The following PHF24 variants were observed in gnomAD, a reference collection of about 807,000 sequenced individuals.
PHF24 encodes the protein PHD finger protein 24.
Under a neutral mutation model 42.6 loss-of-function variants are expected in PHF24, and 25 were observed. The ratio of observed to expected loss-of-function variants is 0.59; its 90% CI spans 0.43 to 0.82. PHF24 has a LOEUF of 0.82. PHF24 is among the 40% of genes least tolerant of loss of function. The probability of loss-of-function intolerance (pLI) is 0.00; values close to 1 mark genes in which losing one functional copy is unlikely to be tolerated. For synonymous variants in PHF24, 185 were observed against 204.8 expected, an observed-to-expected ratio of 0.90 and a Z score of 0.83; for missense variants, 470 against 538.1, an observed-to-expected ratio of 0.87 and a Z score of 1.25.
the PHF24 span, among the ~76,000 whole-genome samples, chr9:34,930,454 G>A: frequency 6.6e-6 from 1 of 152,180 alleles, no homozygotes; most frequent in African/African-American, 2.4e-5. Context: ...TGGGCCTGGT[G>A]TCCTAAATAA....
intron 1 of PHF24, 47 bp from the exon 2 acceptor site, chr9:34,971,248 T>A: frequency 6.5e-7 from 1 of 1,540,594 alleles, no homozygotes. Flanking sequence ...TAGCCTGACA[T>A]CCTCAGCCAT....
upstream of PHF24, among the ~76,000 whole-genome samples, chr9:34,956,976 T>C (rs946367673): frequency 6.6e-5 from 10 of 152,232 alleles, no homozygotes; most frequent in Middle Eastern, 3.2e-3. Context: ...CATCACATAT[T>C]AGCCATGTGA....
At chr9:34,849,744 T>A in the PHF24 span, among the ~76,000 whole-genome samples, 1 of 152,238 alleles carries the variant, frequency 6.6e-6, no homozygotes, top group Admixed American at 6.5e-5. Context: ...TGGTTCCGGT[T>A]GTTCCTTTCC....
the PHF24 span, among the ~76,000 whole-genome samples, chr9:34,813,408 T>G: frequency 6.6e-6 from 1 of 152,198 alleles, no homozygotes; most frequent in Non-Finnish European, 1.5e-5. Context: ...ACATACAATT[T>G]GTTATCTCAC....
At chr9:34,915,441 G>A in the PHF24 span, among the ~76,000 whole-genome samples, 1 of 150,848 alleles carries the variant, frequency 6.6e-6, no homozygotes, top group African/African-American at 2.4e-5. Context: ...GAAAATTGAA[G>A]TAGGTAGTCC....
the PHF24 span, among the ~76,000 whole-genome samples, chr9:34,784,093 A>T: frequency 1.3e-5 from 2 of 152,288 alleles, no homozygotes; most frequent in South Asian, 2.1e-4. Context: ...TTCTGTAGGT[A>T]ATCTCCCTGC....
the PHF24 span, among the ~76,000 whole-genome samples, chr9:34,826,941 G>T: frequency 2.0e-5 from 3 of 152,156 alleles, no homozygotes; most frequent in Non-Finnish European, 2.9e-5. Flanking sequence ...GATGAGCAAG[G>T]CTTCATCCAC....
chr9:34,885,586 C>T, the PHF24 span, among the ~76,000 whole-genome samples: 3 of 152,282 alleles, frequency 2.0e-5, no homozygotes, highest in African/African-American at 7.2e-5. Context: ...TCCCTCCCAT[C>T]TGCTCAAGGC....
the PHF24 span, among the ~76,000 whole-genome samples, chr9:34,925,845 T>A: frequency 2.1e-4 from 32 of 152,192 alleles, no homozygotes; most frequent in Non-Finnish European, 4.0e-4. Flanking sequence ...GGTGACATGT[T>A]TTCTTGCTTT....
chr9:34,937,511 C>A, the PHF24 span, among the ~76,000 whole-genome samples: 1 of 152,132 alleles, frequency 6.6e-6, no homozygotes, highest in East Asian at 1.9e-4. Context: ...ACAAACACTG[C>A]GGAAGGCCGC....
chr9:34,845,248 C>T, the PHF24 span, among the ~76,000 whole-genome samples: 556 of 152,272 alleles, frequency 3.7e-3, 3 homozygotes, highest in African/African-American at 0.013. Context: ...AGGCAGCATA[C>T]AGTTGGGTCT....
chr9:34,789,336 CT>C, the PHF24 span, among the ~76,000 whole-genome samples: 1 of 152,200 alleles, frequency 6.6e-6, no homozygotes, highest in African/African-American at 2.4e-5. Context: ...CTCTATTTTC[CT>C]TCAATAAGTT....
the PHF24 span, among the ~76,000 whole-genome samples, chr9:34,921,429 C>T: frequency 6.6e-6 from 1 of 151,800 alleles, no homozygotes; most frequent in Admixed American, 6.6e-5. Flanking sequence ...TACTGCTGTG[C>T]TTGATATACA....
At chr9:34,773,068 G>A in the PHF24 span, among the ~76,000 whole-genome samples, 3 of 149,678 alleles carry the variant, frequency 2.0e-5, no homozygotes, top group Admixed American at 6.7e-5. Context: ...TCGGCTCACC[G>A]CAACCTCCGC....
the PHF24 span, among the ~76,000 whole-genome samples, chr9:34,926,531 G>A: frequency 6.6e-6 from 1 of 152,068 alleles, no homozygotes; most frequent in Non-Finnish European, 1.5e-5. The surrounding 1 kb of genome is among the most constrained non-coding windows in gnomAD (Gnocchi z 4.3). Context: ...TTCTGCAGTG[G>A]GTGGCCCACA....
chr9:34,709,760 C>T, the PHF24 span: 12 of 1,614,110 alleles, frequency 7.4e-6, no homozygotes, highest in Admixed American at 3.3e-5. Flanking sequence ...AGTACCCACC[C>T]CTTTGTGTCC....
the PHF24 span, among the ~76,000 whole-genome samples, chr9:34,738,638 G>A: frequency 2.0e-5 from 3 of 152,178 alleles, no homozygotes; most frequent in Non-Finnish European, 4.4e-5. Flanking sequence ...AAGCCACCAC[G>A]CCCTGCCTAG....
At chr9:34,968,515 G>T (rs1412825700) in intron 1 of PHF24, among the ~76,000 whole-genome samples, 1 of 152,172 alleles carries the variant, frequency 6.6e-6, no homozygotes. Flanking sequence ...TATAAATGGA[G>T]TCGGGGAGGT....
the PHF24 span, among the ~76,000 whole-genome samples, chr9:34,774,496 G>A: frequency 6.6e-6 from 1 of 152,320 alleles, no homozygotes; most frequent in East Asian, 1.9e-4. Flanking sequence ...AACCAGCTGG[G>A]TGTGGTGGTT....
Sources: gnomAD v4.1 joint callset for allele counts (sites outside exome capture counted in the v4.1 genomes callset) on GRCh38, gnomAD v4.1.1 for gene constraint, Gnocchi (gnomAD v3.1) non-coding constraint, MANE v1.5 for transcripts, NCBI Gene and HGNC (gene_info 2026-07-23, HGNC 2026-07-21) for gene names.